The following ARHGAP18 variants were observed in gnomAD, a reference collection of about 807,000 sequenced individuals.
ARHGAP18 encodes the protein rho GTPase-activating protein 18.
In ARHGAP18, 67 loss-of-function variants were observed where a neutral mutation model predicts 86.2. The ratio of observed to expected loss-of-function variants is 0.78; its 90% CI spans 0.64 to 0.95. The LOEUF (loss-of-function observed/expected upper bound fraction) is 0.95, where lower values mean the gene tolerates loss of function less well. ARHGAP18 is among the 40% of genes least tolerant of loss of function. The pLI, the probability that ARHGAP18 is intolerant of heterozygous loss-of-function variation, is 0.00. For missense variants in ARHGAP18, 691 were observed against 780.4 expected, an observed-to-expected ratio of 0.89 and a Z score of 1.37; for synonymous variants, 283 against 280.4, an observed-to-expected ratio of 1.01 and a Z score of -0.09.
At chr6:129,683,129 T>A (rs1038948206) in intron 1 of ARHGAP18, among the ~76,000 whole-genome samples, 1 of 151,622 alleles carries the variant, frequency 6.6e-6, no homozygotes, top group Non-Finnish European at 1.5e-5. Context: ...TGGACTGCAG[T>A]GGCGTGATCT....
chr6:129,616,657 G>A (rs1180285484), intron 6 of ARHGAP18, among the ~76,000 whole-genome samples: 1 of 152,150 alleles, frequency 6.6e-6, no homozygotes, highest in African/African-American at 2.4e-5. Flanking sequence ...TTACTTAAAA[G>A]CAAATATTGG....
At position 129,625,199 on chromosome 6, in the gene ARHGAP18, T is replaced by TG. The variant is rs1197634031; in HGVS notation, c.786+4153_786+4154insC. Among the ~76,000 whole-genome samples, 63 of 87,530 alleles carry TG rather than the reference T, an allele frequency of 7.2e-4. 6 individuals carry two copies. The highest frequency in any genetic ancestry group is 3.9e-3 in the African/African-American group (61 of 15,620). 57.4% of individuals were successfully genotyped at this position (87,530 alleles called of 152,430 possible). On this transcript the variant is annotated intron_variant, in intron 5 of 14. Coordinates refer to ENST00000368149, the MANE Select transcript of ARHGAP18 (RefSeq NM_033515.3). ...TATATTATATATTATATATGATATA[T>TG]ATTTATATGTAATATATATGATATA...
chr6:129,607,094 A>G (rs1788869754), intron 9 of ARHGAP18, among the ~76,000 whole-genome samples: 1 of 151,958 alleles, frequency 6.6e-6, no homozygotes, highest in Admixed American at 6.6e-5. Context: ...TCCTGACCTC[A>G]AGTGATCTGC....
intron 1 of ARHGAP18, among the ~76,000 whole-genome samples, chr6:129,669,456 G>T (rs1054466519): frequency 6.7e-6 from 1 of 150,024 alleles, no homozygotes; most frequent in African/African-American, 2.4e-5. Flanking sequence ...ACAGGCGTGA[G>T]CCACCGCGCC....
At chr6:129,625,411 TTA>T (rs1491244794) in intron 5 of ARHGAP18, among the ~76,000 whole-genome samples, 1 of 42,278 alleles carries the variant, frequency 2.4e-5, no homozygotes, top group African/African-American at 1.1e-4. Flanking sequence ...GTATTATATA[TTA>T]TATATAATAT....
chr6:129,642,129 T>A, intron 1 of ARHGAP18, 111 bp from the exon 2 acceptor site: 1 of 886,210 alleles, frequency 1.1e-6, no homozygotes, highest in Non-Finnish European at 1.8e-6. Context: ...AAGTTATCCT[T>A]AATAAAACTA....
chr6:129,687,559 A>G (rs1225881042), intron 1 of ARHGAP18, among the ~76,000 whole-genome samples: 1 of 152,182 alleles, frequency 6.6e-6, no homozygotes, highest in African/African-American at 2.4e-5. Context: ...AAGTGAAGGA[A>G]ATAGGAGAGG....
intron 1 of ARHGAP18, among the ~76,000 whole-genome samples, chr6:129,662,366 T>G (rs909597280): frequency 6.6e-6 from 1 of 152,258 alleles, no homozygotes; most frequent in Non-Finnish European, 1.5e-5. Context: ...AAATACTCAG[T>G]GTAAACACAC....
chr6:129,605,669 TA>T (rs972901324), intron 10 of ARHGAP18, among the ~76,000 whole-genome samples: 1 of 151,760 alleles, frequency 6.6e-6, no homozygotes, highest in Non-Finnish European at 1.5e-5. Context: ...CAGTGAAAAT[TA>T]AAAAAAACAA....
intron 8 of ARHGAP18, among the ~76,000 whole-genome samples, chr6:129,610,597 C>T (rs1232300020): frequency 6.6e-6 from 1 of 152,128 alleles, no homozygotes; most frequent in Non-Finnish European, 1.5e-5. Context: ...TCAAGGTCCC[C>T]CATCTGCAGG....
chr6:129,584,999 T>C (rs898908468), intron 12 of ARHGAP18, among the ~76,000 whole-genome samples: 1 of 149,918 alleles, frequency 6.7e-6, no homozygotes, highest in African/African-American at 2.5e-5. Flanking sequence ...CTGCATAACT[T>C]TGTGCCCACA....
intron 1 of ARHGAP18, among the ~76,000 whole-genome samples, 194 bp from the exon 2 acceptor site, chr6:129,642,212 C>T (rs1773483487): frequency 6.6e-6 from 1 of 152,168 alleles, no homozygotes; most frequent in South Asian, 2.1e-4. Context: ...TCATGCTCCA[C>T]AGAAAAGTAT....
intron 6 of ARHGAP18, 87 bp from the exon 7 acceptor site, chr6:129,616,390 T>C: frequency 9.7e-7 from 1 of 1,033,988 alleles, no homozygotes; most frequent in Non-Finnish European, 1.4e-6. Context: ...TTTCTGATAC[T>C]GTCGATCAGA....
intron 2 of ARHGAP18, among the ~76,000 whole-genome samples, chr6:129,640,887 C>T (rs1311120848): frequency 6.6e-6 from 1 of 152,110 alleles, no homozygotes; most frequent in Non-Finnish European, 1.5e-5. Flanking sequence ...GAGAATTGGA[C>T]ATGAAAAACT....
At position 129,602,120 on chromosome 6, in the gene ARHGAP18, G is replaced by C. The variant is rs975469987; in HGVS notation, c.1366-1272C>G. On this transcript the variant is annotated intron_variant, in intron 10 of 14. Transcript: ENST00000368149. ...ACTTAAGGCTTCAGATTTTTCTTTTGCCTTCTTCTTTTGTTCTAGAACAAC... is the reference window on the plus strand; with the variant it reads ...ACTTAAGGCTTCAGATTTTTCTTTTCCCTTCTTCTTTTGTTCTAGAACAAC... 5.5e-4 allele frequency among the ~76,000 whole-genome samples: 83 copies of C among 151,966 alleles called. 1 individual carries two copies. The highest frequency in any genetic ancestry group is 1.0e-4 in the Non-Finnish European group (7 of 67,976).
At chr6:129,627,702 AG>A (rs1414422564) in intron 5 of ARHGAP18, among the ~76,000 whole-genome samples, 1 of 152,070 alleles carries the variant, frequency 6.6e-6, no homozygotes, top group African/African-American at 2.4e-5. Context: ...AAAGAAACAG[AG>A]AAGGAGATTT....
At chr6:129,604,003 G>T (rs1321801348) in intron 10 of ARHGAP18, among the ~76,000 whole-genome samples, 1 of 152,176 alleles carries the variant, frequency 6.6e-6, no homozygotes, top group East Asian at 1.9e-4. Flanking sequence ...AAATTATATT[G>T]CATTGGAGTT....
chr6:129,687,363 T>C (rs1774447877), intron 1 of ARHGAP18, among the ~76,000 whole-genome samples: 1 of 152,170 alleles, frequency 6.6e-6, no homozygotes. Flanking sequence ...ACACAGCATA[T>C]AGCTGAAACC....
At chr6:129,585,429 G>T (rs1265576643) in intron 12 of ARHGAP18, among the ~76,000 whole-genome samples, 1 of 152,160 alleles carries the variant, frequency 6.6e-6, no homozygotes, top group East Asian at 1.9e-4. Flanking sequence ...TACCCTAAAA[G>T]ATTTAATATT....
Sources: gnomAD v4.1 joint callset for allele counts (sites outside exome capture counted in the v4.1 genomes callset) on GRCh38, gnomAD v4.1.1 for gene constraint, MANE v1.5 for transcripts, NCBI Gene and HGNC (gene_info 2026-07-23, HGNC 2026-07-21) for gene names.